Variants in LRP8 observed in about 807,000 individuals in gnomAD.
LRP8 encodes low-density lipoprotein receptor-related protein 8.
Under a neutral mutation model 111.6 loss-of-function variants are expected in LRP8, and 46 were observed. The observed-to-expected ratio is 0.41, with a 90% CI of 0.33 to 0.53. LRP8 has a LOEUF of 0.53. Ranked by LOEUF, LRP8 falls within the 20% of genes least tolerant of loss-of-function variation. LRP8 has a pLI of 0.20. For missense variants in LRP8, 959 were observed against 1,297.4 expected, an observed-to-expected ratio of 0.74 and a Z score of 4.01; for synonymous variants, 464 against 511.2, an observed-to-expected ratio of 0.91 and a Z score of 1.24.
At chr1:53,264,443 G>A in intron 9 of LRP8, 47 bp from the exon 10 acceptor site, 2 of 1,494,212 alleles carry the variant, frequency 1.3e-6, no homozygotes, top group Non-Finnish European at 1.8e-6. Flanking sequence ...TCCACCCATG[G>A]GCCCATCTGG....
chr1:53,256,232 G>A (rs1646083134), intron 15 of LRP8, among the ~76,000 whole-genome samples: 1 of 152,242 alleles, frequency 6.6e-6, no homozygotes, highest in African/African-American at 2.4e-5. Flanking sequence ...CTCTCTCAAT[G>A]TGACTGTTTA....
Position 53,246,917 on chromosome 1 carries a change from C to T in LRP8, c.*101G>A, listed in dbSNP as rs1645743742. On this transcript the variant is annotated 3_prime_UTR_variant, in exon 19 of 19. Transcript: ENST00000306052. Reference sequence around the variant, plus strand: ...AAAATCACACACACACATACACTCACACAGACCCATATATAGAAACCCATT... The same window carrying T: ...AAAATCACACACACACATACACTCATACAGACCCATATATAGAAACCCATT... 5 of 1,072,402 alleles carry T rather than the reference C, an allele frequency of 4.7e-6. No individual in the cohort carries two copies. Among genetic ancestry groups the T allele is most frequent in the Non-Finnish European group, 4.1e-6 (3 of 725,160 alleles). 66.4% of individuals were successfully genotyped at this position (1,072,402 alleles called of 1,614,324 possible). A position where few individuals can be genotyped will look rare whatever the true frequency, so the allele number is the denominator to read the frequency against.
At chr1:53,288,803 G>A (rs1306297027) in intron 3 of LRP8, among the ~76,000 whole-genome samples, 1 of 152,256 alleles carries the variant, frequency 6.6e-6, no homozygotes, top group African/African-American at 2.4e-5. Context: ...GTCCTTCCCC[G>A]CCCCCTTCTC....
intron 5 of LRP8, 127 bp downstream of exon 5, chr1:53,276,564 TC>T: frequency 1.5e-6 from 1 of 677,532 alleles, no homozygotes; most frequent in East Asian, 4.9e-5. Flanking sequence ...AGCCTCGGTC[TC>T]CTCTGTAGTA....
intron 2 of LRP8, among the ~76,000 whole-genome samples, chr1:53,325,836 G>A (rs771093720): frequency 6.6e-6 from 1 of 152,240 alleles, no homozygotes; most frequent in Non-Finnish European, 1.5e-5. Context: ...CGCCTGGCAC[G>A]CAGCAGATGC....
At chr1:53,298,972 T>C (rs1338082504) in intron 2 of LRP8, among the ~76,000 whole-genome samples, 2 of 152,236 alleles carry the variant, frequency 1.3e-5, no homozygotes, top group African/African-American at 4.8e-5. Flanking sequence ...GGCAGGCCTC[T>C]CTGGGCTCTC....
At chr1:53,252,079 T>G (rs1159427861) in intron 16 of LRP8, among the ~76,000 whole-genome samples, 1 of 148,610 alleles carries the variant, frequency 6.7e-6, no homozygotes, top group East Asian at 2.0e-4. Context: ...TAAATACATA[T>G]GAGAAAGGAG....
chr1:53,327,392 A>T, intron 1 of LRP8: 1 of 260,756 alleles, frequency 3.8e-6, no homozygotes, highest in Non-Finnish European at 7.3e-6. Context: ...CGCCGCGCGC[A>T]GGGGTCTGCG....
chr1:53,247,113 A>C, intron 18 of LRP8, 57 bp from the exon 19 acceptor site: 1 of 1,392,154 alleles, frequency 7.2e-7, no homozygotes, highest in Non-Finnish European at 9.9e-7. Context: ...CTATTTATTT[A>C]GTATTGACAA....
chr1:53,276,649 C>A (rs1400242399), intron 5 of LRP8, 43 bp downstream of exon 5: 1 of 1,438,654 alleles, frequency 7.0e-7, no homozygotes, highest in African/African-American at 1.5e-5. Context: ...GATAGCGGAT[C>A]CGCAATCCCT....
At chr1:53,308,974 G>A (rs1203293054) in intron 2 of LRP8, among the ~76,000 whole-genome samples, 3 of 152,224 alleles carry the variant, frequency 2.0e-5, no homozygotes, top group Middle Eastern at 3.4e-3. Context: ...CCCCTCAGAG[G>A]GCTGTTAAAG....
rs1309452561 is a variant in LRP8 at position 53,295,699 on chromosome 1, T to G, written c.245-6010A>C. On this transcript the variant is annotated intron_variant, in intron 2 of 18. Coordinates refer to ENST00000306052, the MANE Select transcript of LRP8 (RefSeq NM_004631.5). Reference sequence around the variant, plus strand: ...TATTTTCCCCCTTGGAGATGCATGATGCCCACGGTTTATAAAGGCCCTGGG... The same window carrying G: ...TATTTTCCCCCTTGGAGATGCATGAGGCCCACGGTTTATAAAGGCCCTGGG... 2.0e-5 allele frequency among the ~76,000 whole-genome samples: 3 copies of G among 152,330 alleles called. No homozygotes were observed. In the South Asian group the frequency reaches 6.2e-4, roughly 32 times the overall value.
At chr1:53,281,936 G>C (rs1442426025) in intron 3 of LRP8, among the ~76,000 whole-genome samples, 1 of 152,216 alleles carries the variant, frequency 6.6e-6, no homozygotes, top group Non-Finnish European at 1.5e-5. Context: ...TAGGCACTAA[G>C]TTCTGGTCAC....
chr1:53,249,446 T>G lies in LRP8; in HGVS notation c.2787A>C (p.Glu929Asp). 3.7e-6 allele frequency: 6 copies of G among 1,614,180 alleles called. 1 individual carries two copies. The South Asian group carries it at 4.4e-5, about 12-fold the overall frequency. ...ALKELFVLPG[E>D]PRSQLHQLPK... is the part of the protein sequence containing the mutation. ...GGAGTTGGTGCAGCTGTGACCTTGG[T>G]TCCCCCGGCAAGACAAAAAGCTCCT... Residue 929 changes from glutamate (E) to aspartate (D), a missense_variant, in exon 18 of 19, where the codon GAA (glutamate) becomes GAC (aspartate). By Grantham distance (45) the Glu-to-Asp change is conservative. Transcript: ENST00000306052. The surrounding 1 kb of genome is among the most constrained non-coding windows in gnomAD (Gnocchi z 4.1).
intron 8 of LRP8, chr1:53,267,081 T>G (rs1468272276): frequency 5.9e-6 from 1 of 170,830 alleles, no homozygotes; most frequent in Non-Finnish European, 1.3e-5. Flanking sequence ...CCACCTACTA[T>G]GTATTTCTTT....
chr1:53,306,567 C>T (rs534391935), intron 2 of LRP8, among the ~76,000 whole-genome samples: 19 of 152,128 alleles, frequency 1.2e-4, no homozygotes, highest in African/African-American at 4.1e-4. Flanking sequence ...TCAGCGTCAA[C>T]ACCAGTTGAG....
chr1:53,316,172 C>T (rs977787413), intron 2 of LRP8, among the ~76,000 whole-genome samples: 1 of 152,188 alleles, frequency 6.6e-6, no homozygotes, highest in Non-Finnish European at 1.5e-5. Flanking sequence ...TCTGGGGTTC[C>T]ATTCAAGGGA....
chr1:53,311,317 G>A (rs1341428761), intron 2 of LRP8, among the ~76,000 whole-genome samples: 2 of 152,136 alleles, frequency 1.3e-5, no homozygotes, highest in Non-Finnish European at 2.9e-5. Context: ...GCATGGGCAC[G>A]GCCAGTCCCA....
chr1:53,272,528 CCCA>C (rs1572502255), intron 6 of LRP8: 2 of 1,249,712 alleles, frequency 1.6e-6, no homozygotes, highest in East Asian at 5.4e-5. Context: ...GTCTGAGCTG[CCCA>C]CCCCAGGCCA....
Sources: allele counts gnomAD v4.1 joint callset (sites outside exome capture counted in the v4.1 genomes callset), GRCh38; gene constraint gnomAD v4.1.1; non-coding constraint Gnocchi (gnomAD v3.1); transcripts MANE v1.5; gene names NCBI Gene and HGNC (gene_info 2026-07-23, HGNC 2026-07-21).